The following CASKIN2 variants were observed in gnomAD, a reference collection of about 807,000 sequenced individuals.
CASKIN2 encodes caskin-2.
In CASKIN2, 41 loss-of-function variants were observed where a neutral mutation model predicts 107.1. The ratio of observed to expected loss-of-function variants is 0.38; its 90% CI spans 0.30 to 0.50. The LOEUF is 0.50. Among genes scored for constraint, CASKIN2 ranks in the 20% least tolerant of loss-of-function variants. CASKIN2 has a pLI of 0.92. For synonymous variants in CASKIN2, 724 were observed against 705.6 expected (o/e 1.03, Z -0.41); for missense variants, 1,546 against 1,657.4 (o/e 0.93, Z 1.17).
rs545779872 is a variant in CASKIN2, at chr17:75,503,966, C to T, written c.1468-4G>A. The T allele has an allele frequency of 1.2e-5, 20 of 1,607,478 alleles. No individual in the cohort carries two copies. The highest frequency in any genetic ancestry group is 5.3e-5 in the African/African-American group (4 of 74,904). The stretch of plus-strand genomic sequence containing the variant: ...AGTTATGAATGGCCTGCGCGTCCTG[C>T]GGGGTGGGGGAAGGGGGCAGAATTA... On this transcript the variant is annotated splice_polypyrimidine_tract_variant and splice_region_variant and intron_variant, in intron 14 of 19. Transcript: ENST00000321617.
chr17:75,505,472 C>A lies in CASKIN2; in HGVS notation c.930+85G>T. On this transcript the variant is annotated intron_variant, in intron 10 of 19. Coordinates refer to ENST00000321617, the MANE Select transcript of CASKIN2 (RefSeq NM_020753.5). The surrounding 1 kb of genome is among the most constrained non-coding windows in gnomAD (Gnocchi z 5.1). ...GAGGGTGCATATAGAGACCTCAGAG[C>A]AGAACGTGGTAACATAGCAGGTGCC... 7.9e-7 allele frequency: 1 copy of A among 1,273,342 alleles called. No individual in the cohort carries two copies. Among genetic ancestry groups the A allele is most frequent in the Non-Finnish European group, 1.1e-6 (1 of 872,332 alleles). 78.9% of individuals were successfully genotyped at this position (1,273,342 alleles called of 1,614,324 possible). A position where few individuals can be genotyped will look rare whatever the true frequency, so the allele number is the denominator to read the frequency against.
chr17:75,501,724 C>T, intron 18 of CASKIN2, 34 bp from the exon 19 acceptor site: 1 of 1,536,190 alleles, frequency 6.5e-7, no homozygotes, highest in South Asian at 1.2e-5. Flanking sequence ...TGGGACTTGG[C>T]TGGGTCAGAC....
chr17:75,505,472 C>G lies in CASKIN2; in HGVS notation c.930+85G>C. 7.9e-7 allele frequency: 1 copy of G among 1,273,342 alleles called. No individual in the cohort carries two copies. Among genetic ancestry groups the G allele is most frequent in the Non-Finnish European group, 1.1e-6 (1 of 872,332 alleles). The allele number at this position is 1,273,342 out of a possible 1,614,324, so 78.9% of individuals were successfully genotyped here. A position where few individuals can be genotyped will look rare whatever the true frequency, so the allele number is the denominator to read the frequency against. Reference sequence around the variant, plus strand: ...GAGGGTGCATATAGAGACCTCAGAGCAGAACGTGGTAACATAGCAGGTGCC... The same window carrying G: ...GAGGGTGCATATAGAGACCTCAGAGGAGAACGTGGTAACATAGCAGGTGCC... On this transcript the variant is annotated intron_variant, in intron 10 of 19. Coordinates refer to ENST00000321617, the MANE Select transcript of CASKIN2 (RefSeq NM_020753.5). The surrounding 1 kb of genome is among the most constrained non-coding windows in gnomAD (Gnocchi z 5.1).
intron 18 of CASKIN2, 42 bp downstream of exon 18, chr17:75,501,737 A>G: frequency 1.3e-6 from 2 of 1,532,172 alleles, no homozygotes; most frequent in Non-Finnish European, 1.8e-6. Context: ...GGTCAGACAC[A>G]ACCCTGCCAG....
Position 75,503,070 on chromosome 17 carries a change from C to A in CASKIN2, c.2004G>T (p.Gln668His), listed in dbSNP as rs757617167. ...ATAGPRLLTF[Q>H]GSELSPELQA... ...GTAGCTCTGGGCTTAGTTCGCTGCC[C>A]TGGAAGGTGAGGAGCCGTGGGCCAG... The change falls in exon 18 of 20, where the codon CAG (glutamine) becomes CAT (histidine). Residue 668 changes from glutamine (Q) to histidine (H), a missense_variant. By Grantham distance (24) the Gln-to-His change is conservative. Transcript: ENST00000321617. The A allele has an allele frequency of 6.2e-7, 1 of 1,607,248 alleles. No homozygotes were observed. Among genetic ancestry groups the A allele is most frequent in the African/African-American group, 1.3e-5 (1 of 74,980 alleles).
In CASKIN2 at chr17:75,501,125, G is replaced by C. The variant is rs1200854345; in HGVS notation, c.3564C>G (p.Thr1188=). ...STKHILDDIS[T]MFDALADQLD... ...GCTGGTCAGCCAGGGCGTCGAACAT[G>C]GTGCTGATGTCATCCAGAATGTGCT... Residue 1188 remains threonine (T), a synonymous_variant, in exon 20 of 20, where the codon ACC becomes ACG. Coordinates refer to ENST00000321617, the MANE Select transcript of CASKIN2 (RefSeq NM_020753.5). 1.9e-6 allele frequency: 3 copies of C among 1,593,074 alleles called. No individual in the cohort carries two copies. The East Asian group carries it at 6.8e-5, about 36-fold the overall frequency.
In CASKIN2 at chr17:75,504,637, C is replaced by T. The variant is rs549105707; in HGVS notation, c.1249G>A (p.Gly417Ser). 9.9e-6 allele frequency: 16 copies of T among 1,608,176 alleles called. No homozygotes were observed. The highest frequency in any genetic ancestry group is 4.4e-5 in the South Asian group (4 of 90,670). The change falls in exon 12 of 20, where the codon GGC becomes AGC. Residue 417 changes from glycine (G) to serine (S), a missense_variant. By Grantham distance (56) the Gly-to-Ser change is moderately conservative. Transcript: ENST00000321617. ...GTGCCCTCAGAGCTCTGCCCGCTGC[C>T]GGCACTGCGGATGCTGCCCACGCTG... ...EGSVGSIRSA[G>S]SGQSSEGTNG...
intron 17 of CASKIN2, 36 bp downstream of exon 17, chr17:75,503,353 G>T: frequency 6.3e-7 from 1 of 1,597,168 alleles, no homozygotes. Flanking sequence ...CCCGGAGGCA[G>T]GTGGGGGCCC....
chr17:75,507,245 A>G, intron 4 of CASKIN2, 116 bp from the exon 5 acceptor site: 2 of 1,184,880 alleles, frequency 1.7e-6, no homozygotes, highest in Non-Finnish European at 2.3e-6. Context: ...ACGGGGATGC[A>G]ATGCTGGCTC....
rs1598460171 is a variant in CASKIN2, at chr17:75,500,689, T to G, written c.*391A>C. On this transcript the variant is annotated 3_prime_UTR_variant, in exon 20 of 20. Coordinates refer to ENST00000321617, the MANE Select transcript of CASKIN2 (RefSeq NM_020753.5). The stretch of plus-strand genomic sequence containing the variant: ...CTCAGGGCCTGGGCAGGATGGTGGG[T>G]GGCAAGAGGCATTCCCTTGGCACAA... The G allele has an allele frequency of 4.1e-6, 1 of 245,918 alleles. No individual in the cohort carries two copies. The highest frequency in any genetic ancestry group is 8.1e-6 in the Non-Finnish European group (1 of 123,650). The allele number at this position is 245,918 out of a possible 1,614,324, so 15.2% of individuals were successfully genotyped here. A position where few individuals can be genotyped will look rare whatever the true frequency, so the allele number is the denominator to read the frequency against.
intron 2 of CASKIN2, chr17:75,509,967 G>A: frequency 1.0e-6 from 1 of 978,772 alleles, no homozygotes; most frequent in Non-Finnish European, 1.2e-6. Flanking sequence ...CGGAAAGGCG[G>A]TGGGGAAGAG....
At position 75,503,889 on chromosome 17, in the gene CASKIN2, C is replaced by T. The variant is rs2053232689; in HGVS notation, c.1541G>A (p.Gly514Asp). 1 of 1,612,816 alleles carries T rather than the reference C, an allele frequency of 6.2e-7. No individual in the cohort carries two copies. Residue 514 changes from glycine to aspartate, a missense_variant, in exon 15 of 20, where the codon GGC becomes GAC. Physicochemically the swap from Gly to Asp is moderately conservative, Grantham distance 94. This residue lies in a region of CASKIN2 where 1,311 missense variants were observed against 1,311.0 expected (regional missense o/e 1.00). Transcript: ENST00000321617. ...GCGGCTGATGGTAGGCACATCATAGCCGGCCTGCAGAAAGTGGGCAGTGTA... is the reference window on the plus strand; with the variant it reads ...GCGGCTGATGGTAGGCACATCATAGTCGGCCTGCAGAAAGTGGGCAGTGTA... ...EGYTAHFLQA[G>D]YDVPTISRMT...
At chr17:75,512,479 C>G (rs540456194) in intron 2 of CASKIN2, among the ~76,000 whole-genome samples, 5 of 152,198 alleles carry the variant, frequency 3.3e-5, no homozygotes, top group African/African-American at 7.2e-5. Flanking sequence ...GGTCAGGTCT[C>G]GAGGCTAGGT....
In CASKIN2 at chr17:75,502,974, G is replaced by A. The variant is rs1408837899; in HGVS notation, c.2100C>T (p.Ser700=). ...CAGACCCCCGTGAGCGTGCCCCGAT[G>A]CTCTCCTGGCTGGGAGAGCGGGCAG... ...LPPARSPSQE[S]IGARSRGSGH... Residue 700 remains serine (S), a synonymous_variant, in exon 18 of 20, where the codon AGC becomes AGT. Coordinates refer to ENST00000321617, the MANE Select transcript of CASKIN2 (RefSeq NM_020753.5). This position sits in a 1 kb window ranked among gnomAD's most constrained non-coding sequence, Gnocchi z 4.3. The A allele has an allele frequency of 1.2e-6, 2 of 1,601,418 alleles. No individual in the cohort carries two copies. Among genetic ancestry groups the A allele is most frequent in the Admixed American group, 1.7e-5 (1 of 59,330 alleles).
Position 75,506,391 on chromosome 17 carries a change from C to T in CASKIN2, c.640G>A (p.Glu214Lys), listed in dbSNP as rs200102680. ...VIRQLLRAGI[E>K]INRQTKTGTA... ...CCCGTCTTGGTCTGGCGGTTGATCT[C>T]GATCCCAGCTCTCAGGAGCTGCCTG... Residue 214 changes from glutamate to lysine, a missense_variant, in exon 8 of 20, where the codon GAG becomes AAG. By Grantham distance (56) the Glu-to-Lys change is moderately conservative. Transcript: ENST00000321617. This position sits in a 1 kb window ranked among gnomAD's most constrained non-coding sequence, Gnocchi z 4.8. 1.7e-5 allele frequency: 27 copies of T among 1,610,700 alleles called. No individual in the cohort carries two copies. Among genetic ancestry groups the T allele is most frequent in the Non-Finnish European group, 2.1e-5 (25 of 1,179,900 alleles).
Position 75,505,457 on chromosome 17 carries a change from A to G in CASKIN2, c.930+100T>C, listed in dbSNP as rs2053254723. ...TAAGAAGAATTAAATGAGGGTGCAT[A>G]TAGAGACCTCAGAGCAGAACGTGGT... is the stretch of plus-strand genomic sequence containing the variant. On this transcript the variant is annotated intron_variant, in intron 10 of 19. Coordinates refer to ENST00000321617, the MANE Select transcript of CASKIN2 (RefSeq NM_020753.5). The surrounding 1 kb of genome is among the most constrained non-coding windows in gnomAD (Gnocchi z 5.1). 3 of 1,092,920 alleles carry G rather than the reference A, an allele frequency of 2.7e-6. No homozygotes were observed. Among genetic ancestry groups the G allele is most frequent in the Non-Finnish European group, 4.2e-6 (3 of 712,610 alleles). The allele number at this position is 1,092,920 out of a possible 1,614,324, so 67.7% of individuals were successfully genotyped here. A position where few individuals can be genotyped will look rare whatever the true frequency, so the allele number is the denominator to read the frequency against.
At chr17:75,504,059 C>T in intron 14 of CASKIN2, 97 bp from the exon 15 acceptor site, 4 of 1,241,666 alleles carry the variant, frequency 3.2e-6, no homozygotes, top group Non-Finnish European at 4.6e-6. Context: ...GGCTTCAGTC[C>T]ATACAGAGGC....
In CASKIN2 at chr17:75,500,967, G is replaced by C; in HGVS notation, c.*113C>G. 2.0e-6 allele frequency: 2 copies of C among 1,008,380 alleles called. No homozygotes were observed. Among genetic ancestry groups the C allele is most frequent in the Non-Finnish European group, 3.0e-6 (2 of 674,138 alleles). The allele number at this position is 1,008,380 out of a possible 1,614,324, so 62.5% of individuals were successfully genotyped here. A position where few individuals can be genotyped will look rare whatever the true frequency, so the allele number is the denominator to read the frequency against. ...GAGTGGGAAGGGGCCCTGCTAGGAGGGGCACTTCAGCCTGACCAGCCCTTG... is the reference window on the plus strand; with the variant it reads ...GAGTGGGAAGGGGCCCTGCTAGGAGCGGCACTTCAGCCTGACCAGCCCTTG... On this transcript the variant is annotated 3_prime_UTR_variant, in exon 20 of 20. Coordinates refer to ENST00000321617, the MANE Select transcript of CASKIN2 (RefSeq NM_020753.5).
chr17:75,504,643 T>C lies in CASKIN2; in HGVS notation c.1243A>G (p.Ser415Gly), dbSNP rs2053244417. The C allele has an allele frequency of 6.2e-7, 1 of 1,607,484 alleles. No individual in the cohort carries two copies. The highest frequency in any genetic ancestry group is 8.5e-7 in the Non-Finnish European group (1 of 1,176,396). ...TCAGAGCTCTGCCCGCTGCCGGCAC[T>C]GCGGATGCTGCCCACGCTGCCCTCA... ...GSEGSVGSIR[S>G]AGSGQSSEGT... Residue 415 changes from serine to glycine, a missense_variant, in exon 12 of 20, where the codon AGT (serine) becomes GGT (glycine). By Grantham distance (56) the Ser-to-Gly change is moderately conservative (BLOSUM62 0). Around this residue, in one of 6 missense-constraint regions of CASKIN2, gnomAD observed 1,311 missense variants for 1,311.0 expected, o/e 1.00. Coordinates refer to ENST00000321617, the MANE Select transcript of CASKIN2 (RefSeq NM_020753.5).
Sources: allele counts gnomAD v4.1 joint callset (sites outside exome capture counted in the v4.1 genomes callset), GRCh38; gene constraint gnomAD v4.1.1; regional missense constraint gnomAD v4.1.1; non-coding constraint Gnocchi (gnomAD v3.1); transcripts MANE v1.5; gene names NCBI Gene and HGNC (gene_info 2026-07-23, HGNC 2026-07-21).